The following BRMS1 variants were observed in gnomAD, a reference collection of about 807,000 sequenced individuals.
BRMS1 encodes BRMS1 transcriptional repressor and anoikis regulator.
In BRMS1, 26 loss-of-function variants were observed where a neutral mutation model predicts 40.4. The ratio of observed to expected loss-of-function variants is 0.64; its 90% CI spans 0.47 to 0.89. BRMS1 has a LOEUF of 0.89. Ranked by LOEUF, BRMS1 falls within the 40% of genes least tolerant of loss-of-function variation. BRMS1 has a pLI of 0.00. For missense variants in BRMS1, 289 were observed against 309.4 expected, an observed-to-expected ratio of 0.93 and a Z score of 0.49; for synonymous variants, 103 against 116.0, an observed-to-expected ratio of 0.89 and a Z score of 0.72.
rs971121297 is a variant in BRMS1 at position 66,338,343 on chromosome 11, C to G, written c.694-61G>C. On this transcript the variant is annotated intron_variant, in intron 8 of 9. Transcript: ENST00000359957. ...CACCTCCAGCTTGGCAATCCCTGCC[C>G]CACCCCCCACCTCTGTGGCTTGTGG... is the stretch of plus-strand genomic sequence containing the variant. The G allele has an allele frequency of 3.5e-5, 55 of 1,561,310 alleles. No individual in the cohort carries two copies. In the South Asian group the frequency reaches 6.5e-4, roughly 18 times the overall value.
Position 66,340,205 on chromosome 11 carries a change from C to T in BRMS1, c.544G>A (p.Asp182Asn), listed in dbSNP as rs1238903687. The change falls in exon 7 of 10, where the codon GAT becomes AAT. Residue 182 changes from aspartate to asparagine, a missense_variant. Coordinates refer to ENST00000359957, the MANE Select transcript of BRMS1 (RefSeq NM_015399.4). ...CTGCCTCTGGCGTGCAGTTTGTCAT[C>T]CCACCATTCTGCCCCGAGACCCAGA... ...QSLDLSSEWW[D>N]DKLHARGSSR... is the part of the protein sequence containing the mutation. 6.2e-7 allele frequency: 1 copy of T among 1,613,310 alleles called. No homozygotes were observed. Among genetic ancestry groups the T allele is most frequent in the Non-Finnish European group, 8.5e-7 (1 of 1,179,638 alleles).
Position 66,341,757 on chromosome 11 carries a change from CT to C in BRMS1, c.140-135del, listed in dbSNP as rs1855084381. 2.5e-6 allele frequency: 2 copies of C among 802,004 alleles called. No individual in the cohort carries two copies. 49.7% of individuals were successfully genotyped at this position (802,004 alleles called of 1,614,324 possible). ...GCCTGTGTGTGTGTGCGCGTACATGCTTGTGTGAAGGGGCTGTGTGTGTGCG... is the reference window on the plus strand; with the variant it reads ...GCCTGTGTGTGTGTGCGCGTACATGCTGTGTGAAGGGGCTGTGTGTGTGCG... On this transcript the variant is annotated intron_variant, in intron 2 of 9. Coordinates refer to ENST00000359957, the MANE Select transcript of BRMS1 (RefSeq NM_015399.4). This position sits in a 1 kb window ranked among gnomAD's most constrained non-coding sequence, Gnocchi z 4.9.
At chr11:66,340,255 A>G in intron 6 of BRMS1, 42 bp from the exon 7 acceptor site, 8 of 1,550,096 alleles carry the variant, frequency 5.2e-6, no homozygotes, top group Non-Finnish European at 5.3e-6. Flanking sequence ...GCTGGCCCAC[A>G]GGATACTCCC....
Position 66,340,194 on chromosome 11 carries a change from C to T in BRMS1, c.555G>A (p.Leu185=), listed in dbSNP as rs377478442. ...DLSSEWWDDK[L]HARGSSRSWD... is the part of the protein sequence containing the mutation. Reference sequence around the variant, plus strand: ...AAGACCTGGAGCTGCCTCTGGCGTGCAGTTTGTCATCCCACCATTCTGCCC... The same window carrying T: ...AAGACCTGGAGCTGCCTCTGGCGTGTAGTTTGTCATCCCACCATTCTGCCC... Residue 185 remains leucine, a synonymous_variant, in exon 7 of 10, where the codon CTG becomes CTA. Coordinates refer to ENST00000359957, the MANE Select transcript of BRMS1 (RefSeq NM_015399.4). 4 of 1,613,500 alleles carry T rather than the reference C, an allele frequency of 2.5e-6. No individual in the cohort carries two copies. The highest frequency in any genetic ancestry group is 1.6e-4 in the Middle Eastern group (1 of 6,082).
chr11:66,338,355 TCTGTGGCTTGTGGG>T (rs1371049771), intron 8 of BRMS1, 73 bp from the exon 9 acceptor site: 1 of 1,550,860 alleles, frequency 6.4e-7, no homozygotes, highest in Non-Finnish European at 8.7e-7. Context: ...ACCCCCCACC[TCTGTGGCTTGTGGG>T]CTGTTGCCTC....
rs1269443154 is a variant in BRMS1, at chr11:66,341,850, C to G, written c.140-227G>C. ...TGCTTGTGTGAAGGGGCTGTGTGCA[C>G]GTGTACTTGTGTGAAGGGGCTGTGT... On this transcript the variant is annotated intron_variant, in intron 2 of 9. Coordinates refer to ENST00000359957, the MANE Select transcript of BRMS1 (RefSeq NM_015399.4). The surrounding 1 kb of genome is among the most constrained non-coding windows in gnomAD (Gnocchi z 4.9). 2 of 601,744 alleles carry G rather than the reference C, an allele frequency of 3.3e-6. No individual in the cohort carries two copies. Among genetic ancestry groups the G allele is most frequent in the Admixed American group, 2.4e-5 (1 of 40,932 alleles). The allele number at this position is 601,744 out of a possible 1,614,324, so 37.3% of individuals were successfully genotyped here.
intron 8 of BRMS1, 189 bp from the exon 9 acceptor site, chr11:66,338,471 T>TCC: frequency 6.6e-7 from 1 of 1,512,834 alleles, no homozygotes; most frequent in Non-Finnish European, 8.8e-7. Flanking sequence ...CTCTCCCGCC[T>TCC]CCCCGCCACC....
At chr11:66,343,760 C>T (rs1855138719) in intron 1 of BRMS1, among the ~76,000 whole-genome samples, 1 of 152,130 alleles carries the variant, frequency 6.6e-6, no homozygotes, top group African/African-American at 2.4e-5. Context: ...GAAGGTGCAA[C>T]CAGCAAGGCA....
Position 66,341,297 on chromosome 11 carries a change from C to G in BRMS1, c.267G>C (p.Arg89=). The change falls in exon 4 of 10, where the codon CGG becomes CGC. Residue 89 remains arginine, a synonymous_variant. Transcript: ENST00000359957. The surrounding 1 kb of genome is among the most constrained non-coding windows in gnomAD (Gnocchi z 4.9). The part of the protein sequence containing the change: ...FRERLSQLRL[R]LEEVGAERAP... ...CTCTCTCAGCCCCCACTTCCTCCAG[C>G]CGCAACCGCAGCTGACTCAGTCGTT... 6.2e-7 allele frequency: 1 copy of G among 1,613,532 alleles called. No individual in the cohort carries two copies. The highest frequency in any genetic ancestry group is 2.2e-5 in the East Asian group (1 of 44,856).
At chr11:66,344,031 C>A (rs960535260) in intron 1 of BRMS1, among the ~76,000 whole-genome samples, 2 of 152,186 alleles carry the variant, frequency 1.3e-5, no homozygotes, top group African/African-American at 4.8e-5. Context: ...CTGGACACTG[C>A]TTTGTAGTCC....
At chr11:66,343,824 C>A (rs566088168) in intron 1 of BRMS1, among the ~76,000 whole-genome samples, 5 of 149,546 alleles carry the variant, frequency 3.3e-5, no homozygotes, top group Non-Finnish European at 7.4e-5. Flanking sequence ...GATGAGGAGA[C>A]CCCTACAAAG....
chr11:66,337,912 A>T, intron 9 of BRMS1, 23 bp from the exon 10 acceptor site: 1 of 1,599,624 alleles, frequency 6.3e-7, no homozygotes, highest in Non-Finnish European at 8.5e-7. Context: ...GGGAAGAAGA[A>T]AACTGTCACC....
In BRMS1 at chr11:66,338,122, T is replaced by G. The variant is rs1274594855; in HGVS notation, c.733+121A>C. On this transcript the variant is annotated intron_variant, in intron 9 of 9. Transcript: ENST00000359957. ...CCCTCAAATCTAGACCATCCTAACT[T>G]TCTTGAGCCACTGATTCTGACACAG... The G allele has an allele frequency of 1.9e-5, 27 of 1,403,598 alleles. No individual in the cohort carries two copies. The Middle Eastern group carries it at 8.9e-4, about 46-fold the overall frequency. 86.9% of individuals were successfully genotyped at this position (1,403,598 alleles called of 1,614,324 possible).
chr11:66,341,736 G>C lies in BRMS1; in HGVS notation c.140-113C>G. ...GCATGCATGCCTGTGTGTAGGGCCT[G>C]TGTGTGTGTGCGCGTACATGCTTGT... On this transcript the variant is annotated intron_variant, in intron 2 of 9. Coordinates refer to ENST00000359957, the MANE Select transcript of BRMS1 (RefSeq NM_015399.4). The surrounding 1 kb of genome is among the most constrained non-coding windows in gnomAD (Gnocchi z 4.9). 1 of 868,856 alleles carries C rather than the reference G, an allele frequency of 1.2e-6. No individual in the cohort carries two copies. Among genetic ancestry groups the C allele is most frequent in the East Asian group, 2.5e-5 (1 of 40,324 alleles). The allele number at this position is 868,856 out of a possible 1,614,324, so 53.8% of individuals were successfully genotyped here.
In BRMS1 at chr11:66,341,865, A is replaced by T; in HGVS notation, c.139+231T>A. 1 of 632,082 alleles carries T rather than the reference A, an allele frequency of 1.6e-6. No homozygotes were observed. The highest frequency in any genetic ancestry group is 1.8e-5 in the South Asian group (1 of 55,908). 39.2% of individuals were successfully genotyped at this position (632,082 alleles called of 1,614,324 possible). On this transcript the variant is annotated intron_variant, in intron 2 of 9. Coordinates refer to ENST00000359957, the MANE Select transcript of BRMS1 (RefSeq NM_015399.4). This position sits in a 1 kb window ranked among gnomAD's most constrained non-coding sequence, Gnocchi z 4.9. Reference sequence around the variant, plus strand: ...GCTGTGTGCACGTGTACTTGTGTGAAGGGGCTGTGTGTGTGCATACGTGCT... The same window carrying T: ...GCTGTGTGCACGTGTACTTGTGTGATGGGGCTGTGTGTGTGCATACGTGCT...
chr11:66,341,813 C>T lies in BRMS1; in HGVS notation c.140-190G>A. 1.6e-6 allele frequency: 1 copy of T among 623,696 alleles called. No homozygotes were observed. Among genetic ancestry groups the T allele is most frequent in the South Asian group, 1.7e-5 (1 of 58,108 alleles). The allele number at this position is 623,696 out of a possible 1,614,324, so 38.6% of individuals were successfully genotyped here. A position where few individuals can be genotyped will look rare whatever the true frequency, so the allele number is the denominator to read the frequency against. On this transcript the variant is annotated intron_variant, in intron 2 of 9. Transcript: ENST00000359957. The surrounding 1 kb of genome is among the most constrained non-coding windows in gnomAD (Gnocchi z 4.9). The stretch of plus-strand genomic sequence containing the variant: ...TGCTTGTGTGTAGGGGCTGTGTGTG[C>T]ATATGCGTGCGTGCTTGTGTGAAGG...
At chr11:66,342,832 C>T (rs1005624729) in intron 1 of BRMS1, among the ~76,000 whole-genome samples, 5 of 152,262 alleles carry the variant, frequency 3.3e-5, no homozygotes, top group African/African-American at 1.2e-4. Context: ...AGTGCTTGCA[C>T]TTCCACTATC....
Position 66,342,114 on chromosome 11 carries a change from AC to A in BRMS1, c.120del (p.Glu40AspfsTer28). 1 of 1,611,724 alleles carries A rather than the reference AC, an allele frequency of 6.2e-7. No individual in the cohort carries two copies. The highest frequency in any genetic ancestry group is 8.5e-7 in the Non-Finnish European group (1 of 1,179,506). On this transcript the variant is annotated frameshift_variant, in exon 2 of 10. Coordinates refer to ENST00000359957, the MANE Select transcript of BRMS1 (RefSeq NM_015399.4). LOFTEE classifies it high-confidence loss of function. ...SEEERSGSQT[E>X]SEEESSEMDD... ...GGCTCACCGGAGCTCTCCTCTTCTG[AC>A]TCTGTCTGGCTGCCGCTCCGCTCCT...
chr11:66,339,068 T>C (rs1855006867), intron 7 of BRMS1, among the ~76,000 whole-genome samples: 1 of 152,178 alleles, frequency 6.6e-6, no homozygotes, highest in Non-Finnish European at 1.5e-5. Context: ...TCTGCAGCAC[T>C]GGCCCTAACC....
Sources: allele counts gnomAD v4.1 joint callset (sites outside exome capture counted in the v4.1 genomes callset), GRCh38; gene constraint gnomAD v4.1.1; non-coding constraint Gnocchi (gnomAD v3.1); transcripts MANE v1.5; gene names NCBI Gene and HGNC (gene_info 2026-07-23, HGNC 2026-07-21).